The following CACNA1C variants were observed in gnomAD, a reference collection of about 807,000 sequenced individuals.
CACNA1C encodes the protein voltage-dependent L-type calcium channel subunit alpha-1C.
In CACNA1C, 30 loss-of-function variants were observed where a neutral mutation model predicts 229.0. The ratio of observed to expected loss-of-function variants is 0.13; its 90% CI spans 0.10 to 0.18. CACNA1C has a LOEUF of 0.18. CACNA1C is among the 10% of genes least tolerant of loss of function. The pLI is 1.00. For synonymous variants in CACNA1C, 1,114 were observed against 1,132.5 expected, an observed-to-expected ratio of 0.98 and a Z score of 0.33; for missense variants, 1,658 against 2,845.0, an observed-to-expected ratio of 0.58 and a Z score of 9.49.
At position 2,038,270 on chromosome 12, in the gene CACNA1C, A is replaced by T. The variant is rs983496265; in HGVS notation, c.139+67069A>T. ...TGAATCACTGTTTAACCTAAAGATT[A>T]TATTTCCTTTCATAGAATTCGAGTC... On this transcript the variant is annotated intron_variant, in intron 1 of 46. Coordinates refer to the CACNA1C transcript ENST00000682462. Among the ~76,000 whole-genome samples, 4 of 152,338 alleles carry T rather than the reference A, an allele frequency of 2.6e-5. No homozygotes were observed. In the South Asian group the frequency reaches 8.3e-4, roughly 32 times the overall value.
intron 3 of CACNA1C, among the ~76,000 whole-genome samples, chr12:2,369,139 C>T (rs1464463364): frequency 6.6e-6 from 1 of 152,206 alleles, no homozygotes; most frequent in African/African-American, 2.4e-5. Context: ...TTTGCATCCT[C>T]CTATGTGTCT....
At chr12:2,036,842 C>A (rs988356721) in intron 1 of CACNA1C, among the ~76,000 whole-genome samples, 1 of 152,244 alleles carries the variant, frequency 6.6e-6, no homozygotes, top group South Asian at 2.1e-4. Flanking sequence ...CCTTTAGTGA[C>A]CAGATGAGGA....
chr12:2,069,225 T>C (rs1692547026), intron 1 of CACNA1C, among the ~76,000 whole-genome samples: 1 of 152,096 alleles, frequency 6.6e-6, no homozygotes, highest in Non-Finnish European at 1.5e-5. Context: ...ACAGCTAGCA[T>C]CCCTCCTAAT....
intron 1 of CACNA1C, among the ~76,000 whole-genome samples, chr12:2,072,477 G>A (rs908698578): frequency 3.3e-5 from 5 of 152,080 alleles, no homozygotes; most frequent in Admixed American, 6.6e-5. Context: ...TAGGATTATA[G>A]GTATGAGCCA....
At chr12:2,386,746 C>T (rs1040787177) in intron 3 of CACNA1C, among the ~76,000 whole-genome samples, 3 of 152,308 alleles carry the variant, frequency 2.0e-5, no homozygotes, top group African/African-American at 7.2e-5. Flanking sequence ...ACTAAGCACC[C>T]GAGGGCAAGG....
intron 3 of CACNA1C, among the ~76,000 whole-genome samples, chr12:2,384,472 G>A (rs1014802918): frequency 1.3e-5 from 2 of 152,140 alleles, no homozygotes; most frequent in Non-Finnish European, 2.9e-5. Flanking sequence ...AGGTCTCCTG[G>A]CACCCTGTTG....
chr12:2,391,470 G>A (rs1483648987), intron 3 of CACNA1C, among the ~76,000 whole-genome samples: 1 of 152,250 alleles, frequency 6.6e-6, no homozygotes, highest in African/African-American at 2.4e-5. Flanking sequence ...AGAAGCAGCA[G>A]TCAGCAGGGT....
intron 3 of CACNA1C, among the ~76,000 whole-genome samples, chr12:2,208,019 GGA>G (rs1444266683): frequency 6.6e-6 from 1 of 152,170 alleles, no homozygotes; most frequent in East Asian, 1.9e-4. Flanking sequence ...AATAGCACAA[GGA>G]GGTACGCAGC....
At chr12:2,123,324 C>T (rs557412148) in intron 3 of CACNA1C, among the ~76,000 whole-genome samples, 10 of 137,156 alleles carry the variant, frequency 7.3e-5, no homozygotes, top group African/African-American at 2.8e-5. Context: ...TGCAGTGAGC[C>T]GAGATCGCGC....
chr12:2,617,919 A>T (rs1340730206), intron 29 of CACNA1C, among the ~76,000 whole-genome samples: 1 of 152,258 alleles, frequency 6.6e-6, no homozygotes, highest in Non-Finnish European at 1.5e-5. Context: ...GTCCATGTCT[A>T]GAAACTTCTG....
In CACNA1C at chr12:2,563,879, G is replaced by A. The variant is rs914392801; in HGVS notation, c.1509-2543G>A. 3.3e-5 allele frequency among the ~76,000 whole-genome samples: 5 copies of A among 152,244 alleles called. No individual in the cohort carries two copies. In the South Asian group the frequency reaches 1.0e-3, roughly 31 times the overall value. ...CCTGCCCCCTGGGGCACACCCACAT[G>A]TGGTGCTGCTACATGCCCGGGGGCT... is the stretch of plus-strand genomic sequence containing the variant. On this transcript the variant is annotated intron_variant, in intron 11 of 46. Transcript: ENST00000399655.
chr12:2,302,913 G>A (rs768570396), intron 3 of CACNA1C, among the ~76,000 whole-genome samples: 12 of 152,350 alleles, frequency 7.9e-5, no homozygotes, highest in Non-Finnish European at 1.6e-4. Context: ...CTCCTGCTTT[G>A]GCTGGGCTTG....
At chr12:2,026,898 A>G (rs1436391306) in intron 1 of CACNA1C, among the ~76,000 whole-genome samples, 1 of 152,230 alleles carries the variant, frequency 6.6e-6, no homozygotes, top group Non-Finnish European at 1.5e-5. Flanking sequence ...TTGGAGTACA[A>G]AATCAAAATG....
At chr12:2,283,978 C>T (rs2092117663) in intron 3 of CACNA1C, among the ~76,000 whole-genome samples, 1 of 152,194 alleles carries the variant, frequency 6.6e-6, no homozygotes, top group African/African-American at 2.4e-5. Context: ...GCTCAGAGAT[C>T]TCATCCCTGG....
chr12:2,159,528 AAG>A (rs1256180326), intron 3 of CACNA1C, among the ~76,000 whole-genome samples: 2 of 152,098 alleles, frequency 1.3e-5, no homozygotes, highest in African/African-American at 2.4e-5. Context: ...ATGTATGCAT[AAG>A]AGATAAAGAT....
intron 3 of CACNA1C, among the ~76,000 whole-genome samples, chr12:2,340,800 CA>C (rs34148984): frequency 0.14 from 21,724 of 151,778 alleles, 2,115 homozygotes; most frequent in African/African-American, 0.27. Flanking sequence ...TCTAAAAATA[CA>C]AAAAAATTAG....
At chr12:2,449,234 T>G (rs2099329669) in intron 4 of CACNA1C, 119 bp downstream of exon 4, 1 of 652,886 alleles carries the variant, frequency 1.5e-6, no homozygotes, top group African/African-American at 1.9e-5. Flanking sequence ...TCGCAGATGA[T>G]CTAGAGTGAG....
At chr12:2,228,345 A>G (rs1176865791) in intron 3 of CACNA1C, among the ~76,000 whole-genome samples, 1 of 152,182 alleles carries the variant, frequency 6.6e-6, no homozygotes, top group African/African-American at 2.4e-5. Flanking sequence ...GTACTTCTTT[A>G]TCTTACACAA....
intron 1 of CACNA1C, chr12:1,993,109 G>C (rs754539049): frequency 3.3e-5 from 31 of 927,042 alleles, no homozygotes; most frequent in Non-Finnish European, 5.3e-5. Context: ...CCATCATTAG[G>C]GCATGCATTT....
Sources: gnomAD v4.1 joint callset for allele counts (sites outside exome capture counted in the v4.1 genomes callset) on GRCh38, gnomAD v4.1.1 for gene constraint, MANE v1.5 for transcripts, NCBI Gene and HGNC (gene_info 2026-07-23, HGNC 2026-07-21) for gene names.